NCBP1: variants seen among roughly 807,000 people sequenced by gnomAD.
The protein encoded by NCBP1 is nuclear cap-binding protein subunit 1.
NCBP1 carries 16 observed loss-of-function variants against 111.7 expected under a neutral mutation model. The ratio of observed to expected loss-of-function variants is 0.14; its 90% CI spans 0.10 to 0.22. NCBP1 has a LOEUF of 0.22. NCBP1 is among the 10% of genes least tolerant of loss of function. NCBP1 has a pLI of 1.00. For synonymous variants in NCBP1, 304 were observed against 314.3 expected (o/e 0.97, Z 0.35); for missense variants, 607 against 957.5 (o/e 0.63, Z 4.83).
chr9:97,641,488 A>G, intron 2 of NCBP1, 74 bp from the exon 3 acceptor site: 3 of 1,148,226 alleles, frequency 2.6e-6, no homozygotes, highest in Non-Finnish European at 3.5e-6. Context: ...ATATATTTAC[A>G]TTTAAATAGA....
intron 2 of NCBP1, among the ~76,000 whole-genome samples, 165 bp downstream of exon 2, chr9:97,641,047 TA>T (rs1827191857): frequency 6.6e-6 from 1 of 152,166 alleles, no homozygotes; most frequent in African/African-American, 2.4e-5. Flanking sequence ...GGGATGTAGA[TA>T]ATTGATCATT....
At position 97,666,897 on chromosome 9, in the gene NCBP1, G is replaced by T. The variant is rs77424947; in HGVS notation, c.2016+20G>T. Reference sequence around the variant, plus strand: ...AAACGGGTAAGTTTTGTGTAAACTTGTAAGTAGTTAAAGAAAATATACCAG... The same window carrying T: ...AAACGGGTAAGTTTTGTGTAAACTTTTAAGTAGTTAAAGAAAATATACCAG... On this transcript the variant is annotated intron_variant, in intron 20 of 22. Transcript: ENST00000375147. 2,747 of 1,486,264 alleles carry T rather than the reference G, an allele frequency of 1.8e-3. 36 individuals carry two copies. The African/African-American group carries it at 0.032, about 17-fold the overall frequency. 92.1% of individuals were successfully genotyped at this position (1,486,264 alleles called of 1,614,324 possible). A position where few individuals can be genotyped will look rare whatever the true frequency, so the allele number is the denominator to read the frequency against.
chr9:97,671,220 C>G lies in NCBP1; in HGVS notation c.*21C>G. The G allele has an allele frequency of 1.3e-6, 2 of 1,514,904 alleles. No individual in the cohort carries two copies. The highest frequency in any genetic ancestry group is 1.8e-6 in the Non-Finnish European group (2 of 1,104,434). 93.8% of individuals were successfully genotyped at this position (1,514,904 alleles called of 1,614,324 possible). A position where few individuals can be genotyped will look rare whatever the true frequency, so the allele number is the denominator to read the frequency against. ...CCTAAGGGTCATTTTTTCCTCATGTCAAGGTTTTTTTTGATATCTTAAAAT... is the reference window on the plus strand; with the variant it reads ...CCTAAGGGTCATTTTTTCCTCATGTGAAGGTTTTTTTTGATATCTTAAAAT... On this transcript the variant is annotated 3_prime_UTR_variant, in exon 23 of 23. Transcript: ENST00000375147.
At chr9:97,665,225 G>A (rs560368869) in intron 19 of NCBP1, among the ~76,000 whole-genome samples, 2 of 152,356 alleles carry the variant, frequency 1.3e-5, no homozygotes, top group African/African-American at 4.8e-5. Flanking sequence ...TACCGGCCAG[G>A]TTGGCCTTCA....
At chr9:97,646,673 TA>T (rs1827343203) in intron 6 of NCBP1, among the ~76,000 whole-genome samples, 1 of 151,612 alleles carries the variant, frequency 6.6e-6, no homozygotes, top group Non-Finnish European at 1.5e-5. Context: ...CCATCTCTAC[TA>T]AAAAATACAA....
chr9:97,657,956 C>T (rs980629603), intron 14 of NCBP1, among the ~76,000 whole-genome samples: 14 of 139,174 alleles, frequency 1.0e-4, no homozygotes, highest in Non-Finnish European at 1.7e-4. Context: ...CGTCCCCAGC[C>T]ATTCATTGAG....
At chr9:97,655,207 C>A (rs1334322638) in intron 12 of NCBP1, among the ~76,000 whole-genome samples, 1 of 152,082 alleles carries the variant, frequency 6.6e-6, no homozygotes, top group Non-Finnish European at 1.5e-5. Context: ...AATGTTTTAT[C>A]TGCAATTTCT....
intron 19 of NCBP1, among the ~76,000 whole-genome samples, chr9:97,666,409 T>C (rs2297157): frequency 0.014 from 2,134 of 152,332 alleles, 103 homozygotes; most frequent in East Asian, 0.13. Context: ...CTACACATAA[T>C]GTTTACATTT....
intron 20 of NCBP1, among the ~76,000 whole-genome samples, chr9:97,667,680 A>G (rs912190129): frequency 6.6e-6 from 1 of 152,208 alleles, no homozygotes; most frequent in African/African-American, 2.4e-5. Flanking sequence ...CTTTTCTCTC[A>G]TGCCACACTG....
chr9:97,638,170 G>A (rs971520371), intron 1 of NCBP1, among the ~76,000 whole-genome samples: 1 of 151,994 alleles, frequency 6.6e-6, no homozygotes, highest in Non-Finnish European at 1.5e-5. Context: ...GTTTCTGTTC[G>A]TAAGTTCAGA....
chr9:97,670,365 A>G lies in NCBP1; in HGVS notation c.2259+659A>G, dbSNP rs573757178. On this transcript the variant is annotated intron_variant, in intron 22 of 22. Coordinates refer to ENST00000375147, the MANE Select transcript of NCBP1 (RefSeq NM_002486.5). Reference sequence around the variant, plus strand: ...AGGTGGTAAACTGTCCACAGAATCAAGGTAAGCTCCCTGGGGTCTCTCTGC... The same window carrying G: ...AGGTGGTAAACTGTCCACAGAATCAGGGTAAGCTCCCTGGGGTCTCTCTGC... Among the ~76,000 whole-genome samples the G allele has an allele frequency of 1.7e-3, 254 of 152,314 alleles. 2 individuals carry two copies. The highest frequency in any genetic ancestry group is 5.8e-3 in the African/African-American group (243 of 41,584).
At chr9:97,634,662 T>G (rs776130313) in intron 1 of NCBP1, 4 of 152,204 alleles carry the variant, frequency 2.6e-5, no homozygotes, top group African/African-American at 9.7e-5. Context: ...AAAAAGATGC[T>G]TATATTACAC....
chr9:97,650,424 G>A (rs1257790439), intron 8 of NCBP1, 79 bp from the exon 9 acceptor site: 1 of 1,044,532 alleles, frequency 9.6e-7, no homozygotes, highest in Non-Finnish European at 1.4e-6. Context: ...GAACATAATA[G>A]TCTCTCAAAT....
chr9:97,647,362 G>C, intron 6 of NCBP1, 130 bp from the exon 7 acceptor site: 2 of 644,424 alleles, frequency 3.1e-6, no homozygotes, highest in South Asian at 3.7e-5. Context: ...TATCAAAACA[G>C]TTGATATCTG....
intron 1 of NCBP1, among the ~76,000 whole-genome samples, chr9:97,636,637 CATATATATAT>C (rs377027165): frequency 0.013 from 1,431 of 111,242 alleles, 26 homozygotes; most frequent in African/African-American, 0.032. Context: ...GAAAGTAATA[CATATATATAT>C]ATATATATAT....
intron 10 of NCBP1, 66 bp downstream of exon 10, chr9:97,651,439 C>A: frequency 1.5e-6 from 2 of 1,318,984 alleles, no homozygotes; most frequent in South Asian, 1.3e-5. Context: ...AAAGTATGAT[C>A]TACTCTTGGC....
At chr9:97,649,943 T>C (rs1483467841) in intron 8 of NCBP1, among the ~76,000 whole-genome samples, 3 of 152,100 alleles carry the variant, frequency 2.0e-5, no homozygotes, top group African/African-American at 7.2e-5. Context: ...TAAAAAACAT[T>C]AGAAATTGTA....
At chr9:97,670,974 C>A in intron 22 of NCBP1, 112 bp from the exon 23 acceptor site, 1 of 582,558 alleles carries the variant, frequency 1.7e-6, no homozygotes, top group Non-Finnish European at 3.0e-6. Flanking sequence ...CTTTTTTTTC[C>A]CCTTCCTCTT....
At chr9:97,636,593 AATT>A (rs1350891810) in intron 1 of NCBP1, among the ~76,000 whole-genome samples, 1 of 144,754 alleles carries the variant, frequency 6.9e-6, no homozygotes, top group East Asian at 2.0e-4. Flanking sequence ...TTTTACATAT[AATT>A]ATATACTGTA....
Sources: allele counts gnomAD v4.1 joint callset (sites outside exome capture counted in the v4.1 genomes callset), GRCh38; gene constraint gnomAD v4.1.1; transcripts MANE v1.5; gene names NCBI Gene and HGNC (gene_info 2026-07-23, HGNC 2026-07-21).